AFDN: variants seen among roughly 807,000 people sequenced by gnomAD.
AFDN encodes afadin, adherens junction formation factor.
Under a neutral mutation model 216.6 loss-of-function variants are expected in AFDN, and 68 were observed. That is an observed-to-expected ratio of 0.31 (90% CI 0.26 to 0.38). The LOEUF is 0.38. AFDN is among the 10% of genes least tolerant of loss of function. The pLI is 1.00. For missense variants in AFDN, 2,136 were observed against 2,342.0 expected (o/e 0.91, Z 1.82); for synonymous variants, 868 against 853.7 (o/e 1.02, Z -0.29).
chr6:167,913,311 T>C, intron 15 of AFDN, 92 bp from the exon 16 acceptor site: 2 of 1,201,246 alleles, frequency 1.7e-6, no homozygotes, highest in Admixed American at 4.0e-5. Flanking sequence ...CGTACCTTCA[T>C]ATTAGTGTTT....
In AFDN at chr6:167,952,202, G is replaced by A; in HGVS notation, c.4833+15G>A. On this transcript the variant is annotated intron_variant, in intron 30 of 33. Coordinates refer to ENST00000683244, the MANE Select transcript of AFDN (RefSeq NM_001386888.1). ...GAAGAGCGAGGGTAAAGGGGGGAGT[G>A]CTTTGGCTGTGCCCATCTGTGGTCC... 2 of 1,613,994 alleles carry A rather than the reference G, an allele frequency of 1.2e-6. No homozygotes were observed. Among genetic ancestry groups the A allele is most frequent in the South Asian group, 1.1e-5 (1 of 90,988 alleles).
intron 7 of AFDN, among the ~76,000 whole-genome samples, chr6:167,889,870 A>C (rs957202780): frequency 2.0e-5 from 3 of 152,234 alleles, no homozygotes; most frequent in Admixed American, 2.0e-4. Context: ...AACACATTTC[A>C]TGCTGACTAG....
At chr6:167,840,774 C>T (rs1780980490) in intron 1 of AFDN, among the ~76,000 whole-genome samples, 1 of 152,124 alleles carries the variant, frequency 6.6e-6, no homozygotes, top group Non-Finnish European at 1.5e-5. Flanking sequence ...ATGGTCAGTT[C>T]TTATGGGCCT....
intron 9 of AFDN, among the ~76,000 whole-genome samples, chr6:167,894,942 C>G (rs1198934522): frequency 6.6e-6 from 1 of 152,184 alleles, no homozygotes; most frequent in African/African-American, 2.4e-5. Flanking sequence ...TCTTGTTTCA[C>G]ACATGATTAC....
At chr6:167,927,204 GA>G (rs1421089786) in intron 23 of AFDN, among the ~76,000 whole-genome samples, 10 of 152,150 alleles carry the variant, frequency 6.6e-5, no homozygotes, top group African/African-American at 2.4e-4. Flanking sequence ...AGCGGTTGTG[GA>G]GGGCATCTTG....
At chr6:167,845,504 T>C (rs912990040) in intron 1 of AFDN, among the ~76,000 whole-genome samples, 1 of 152,084 alleles carries the variant, frequency 6.6e-6, no homozygotes, top group East Asian at 1.9e-4. Flanking sequence ...TTCAAGCGAT[T>C]CTCCTGCCTC....
chr6:167,918,887 C>T lies in AFDN; in HGVS notation c.2862C>T (p.Asn954=), dbSNP rs761259362. 1 of 1,613,892 alleles carries T rather than the reference C, an allele frequency of 6.2e-7. No individual in the cohort carries two copies. The highest frequency in any genetic ancestry group is 1.3e-5 in the African/African-American group (1 of 74,926). The change falls in exon 21 of 34, where the codon AAC becomes AAT. Residue 954 remains asparagine (N), a synonymous_variant. Transcript: ENST00000683244. ...GTTATTCTTGTGATGTTGTCAGAAA[C>T]ATTCCAAATGGTTTACAAGAATTTT... ...EDGYSCDVVR[N]IPNGLQEFLD...
At chr6:167,883,404 G>A (rs556408925) in intron 6 of AFDN, among the ~76,000 whole-genome samples, 71 of 152,266 alleles carry the variant, frequency 4.7e-4, no homozygotes, top group Middle Eastern at 3.4e-3. Flanking sequence ...CAATAAAAAA[G>A]CAGACAACAA....
At chr6:167,861,653 C>T (rs749934553) in intron 1 of AFDN, among the ~76,000 whole-genome samples, 2 of 152,172 alleles carry the variant, frequency 1.3e-5, no homozygotes, top group African/African-American at 2.4e-5. Context: ...CCCTGTTTGT[C>T]TTTATCAGCT....
chr6:167,827,103 C>T lies in AFDN; in HGVS notation c.-30C>T. 4 of 1,200,338 alleles carry T rather than the reference C, an allele frequency of 3.3e-6. No homozygotes were observed. The South Asian group carries it at 4.5e-5, about 13-fold the overall frequency. 74.4% of individuals were successfully genotyped at this position (1,200,338 alleles called of 1,614,324 possible). On this transcript the variant is annotated 5_prime_UTR_variant, in exon 1 of 34. Coordinates refer to ENST00000683244, the MANE Select transcript of AFDN (RefSeq NM_001386888.1). ...CTCGGCCCGTCCTCCGGCCCCGGCC[C>T]CGCGCGGCTGAGGAGGCGCGGCCAG...
chr6:167,952,226 C>G (rs541318744), intron 30 of AFDN, 39 bp downstream of exon 30: 2 of 1,613,470 alleles, frequency 1.2e-6, no homozygotes, highest in Admixed American at 1.7e-5. Context: ...CATCTGTGGT[C>G]CCTATTTTAG....
intron 19 of AFDN, 110 bp downstream of exon 19, chr6:167,915,543 G>T: frequency 7.7e-7 from 1 of 1,300,686 alleles, no homozygotes; most frequent in Non-Finnish European, 1.0e-6. Flanking sequence ...TCTTTTTGGG[G>T]TTTTTCGTAT....
At chr6:167,933,847 AT>A (rs1793630315) in intron 23 of AFDN, among the ~76,000 whole-genome samples, 1 of 152,228 alleles carries the variant, frequency 6.6e-6, no homozygotes, top group Non-Finnish European at 1.5e-5. Context: ...GAAAATGATA[AT>A]TTGTAGAGTT....
At chr6:167,953,398 C>A (rs1489151611) in intron 30 of AFDN, among the ~76,000 whole-genome samples, 2 of 152,024 alleles carry the variant, frequency 1.3e-5, no homozygotes, top group African/African-American at 2.4e-5. Flanking sequence ...AAGTCTCTCT[C>A]ACACATACTT....
At chr6:167,958,327 T>A (rs1474002485) in intron 30 of AFDN, among the ~76,000 whole-genome samples, 1 of 152,174 alleles carries the variant, frequency 6.6e-6, no homozygotes, top group Non-Finnish European at 1.5e-5. Context: ...GCATTTTGGA[T>A]AAGGGATACT....
intron 30 of AFDN, among the ~76,000 whole-genome samples, chr6:167,955,411 T>C (rs942628469): frequency 2.6e-5 from 4 of 152,214 alleles, no homozygotes; most frequent in African/African-American, 9.6e-5. Flanking sequence ...CATTTTTTTT[T>C]TTACATGAAA....
intron 11 of AFDN, among the ~76,000 whole-genome samples, chr6:167,900,602 G>C (rs530332238): frequency 6.6e-6 from 1 of 152,184 alleles, no homozygotes; most frequent in African/African-American, 2.4e-5. Context: ...GGTAGCTTTG[G>C]TGGGAAAAGT....
In AFDN at chr6:167,962,857, C is replaced by T. The variant is rs569940631; in HGVS notation, c.4968+290C>T. 9.7e-6 allele frequency: 12 copies of T among 1,232,294 alleles called. No individual in the cohort carries two copies. The highest frequency in any genetic ancestry group is 9.6e-5 in the East Asian group (3 of 31,198). 76.3% of individuals were successfully genotyped at this position (1,232,294 alleles called of 1,614,324 possible). A position where few individuals can be genotyped will look rare whatever the true frequency, so the allele number is the denominator to read the frequency against. ...CCTCTTTGCAAAGGGTTCGTTTCCT[C>T]GGGCACTCATCTTTACTGAACATGG... On this transcript the variant is annotated intron_variant, in intron 31 of 33. Coordinates refer to ENST00000683244, the MANE Select transcript of AFDN (RefSeq NM_001386888.1). This position sits in a 1 kb window ranked among gnomAD's most constrained non-coding sequence, Gnocchi z 5.2.
chr6:167,872,308 A>T lies in AFDN; in HGVS notation c.509A>T (p.Lys170Met). 2.5e-6 allele frequency: 4 copies of T among 1,614,104 alleles called. No homozygotes were observed. The highest frequency in any genetic ancestry group is 3.4e-6 in the Non-Finnish European group (4 of 1,179,986). The change falls in exon 4 of 34, where the codon AAG becomes ATG. Residue 170 changes from lysine to methionine, a missense_variant. Around this residue, in one of 8 missense-constraint regions of AFDN, gnomAD observed 817 missense variants for 965.7 expected, o/e 0.85. Coordinates refer to ENST00000683244, the MANE Select transcript of AFDN (RefSeq NM_001386888.1). ...TCAAAGAAAGAAAAGAAGGAAAAAA[A>T]GAAGAGAGAAAAAGAGGCATTGCGA... ...TLSKKEKKEKKKREKEALRQA... is the reference protein window; with the variant it reads ...TLSKKEKKEKMKREKEALRQA...
Sources: gnomAD v4.1 joint callset for allele counts (sites outside exome capture counted in the v4.1 genomes callset) on GRCh38, gnomAD v4.1.1 for gene constraint, gnomAD v4.1.1 regional missense constraint, Gnocchi (gnomAD v3.1) non-coding constraint, MANE v1.5 for transcripts, NCBI Gene and HGNC (gene_info 2026-07-23, HGNC 2026-07-21) for gene names.